The following CTDSPL2 variants were observed in gnomAD, a reference collection of about 807,000 sequenced individuals.
CTDSPL2 encodes the protein CTD small phosphatase-like protein 2.
Under a neutral mutation model 60.0 loss-of-function variants are expected in CTDSPL2, and 5 were observed. The observed-to-expected ratio is 0.08, with a 90% confidence interval of 0.04 to 0.18. CTDSPL2 has a LOEUF of 0.18. Ranked by LOEUF, CTDSPL2 falls within the 10% of genes least tolerant of loss-of-function variation. CTDSPL2 has a pLI of 1.00. For missense variants in CTDSPL2, 370 were observed against 548.8 expected (o/e 0.67, Z 3.26); for synonymous variants, 186 against 189.3 (o/e 0.98, Z 0.14).
chr15:44,452,271 A>T (rs1346854802), intron 1 of CTDSPL2, among the ~76,000 whole-genome samples: 1 of 152,116 alleles, frequency 6.6e-6, no homozygotes, highest in Non-Finnish European at 1.5e-5. Context: ...TGTGTCCCCG[A>T]TAAAAATTCT....
chr15:44,520,810 AC>A (rs1266098355), intron 11 of CTDSPL2: 1 of 152,192 alleles, frequency 6.6e-6, no homozygotes, highest in East Asian at 1.9e-4. Context: ...TCAATGAAAT[AC>A]CATTAATTTG....
At chr15:44,429,577 G>C (rs901565834) in intron 1 of CTDSPL2, among the ~76,000 whole-genome samples, 8 of 152,112 alleles carry the variant, frequency 5.3e-5, no homozygotes, top group African/African-American at 1.2e-4. Context: ...TTGAAAGAAC[G>C]TATAAGCTGG....
intron 8 of CTDSPL2, among the ~76,000 whole-genome samples, chr15:44,505,020 AAAAG>A (rs1270305041): frequency 1.3e-5 from 2 of 152,222 alleles, no homozygotes; most frequent in African/African-American, 4.8e-5. Flanking sequence ...ATTGGCTAAA[AAAAG>A]GAAAAGATAC....
At chr15:44,430,073 GTCTTT>G (rs1156324476) in intron 1 of CTDSPL2, among the ~76,000 whole-genome samples, 3 of 152,186 alleles carry the variant, frequency 2.0e-5, no homozygotes, top group African/African-American at 4.8e-5. Flanking sequence ...AATTGGGGAA[GTCTTT>G]TCTTTTCAGA....
intron 1 of CTDSPL2, among the ~76,000 whole-genome samples, chr15:44,430,969 G>A (rs1348610325): frequency 3.3e-5 from 5 of 151,662 alleles, no homozygotes; most frequent in African/African-American, 7.3e-5. Context: ...CTACAGGCAC[G>A]CGCCACCACA....
chr15:44,521,260 C>T (rs1316103101), intron 11 of CTDSPL2, 51 bp from the exon 12 acceptor site: 5 of 897,312 alleles, frequency 5.6e-6, no homozygotes, highest in African/African-American at 1.7e-5. Context: ...TTTTTCCAAA[C>T]TAGGTAAAAT....
intron 1 of CTDSPL2, among the ~76,000 whole-genome samples, chr15:44,433,851 G>A (rs953291064): frequency 6.6e-6 from 1 of 151,084 alleles, no homozygotes; most frequent in African/African-American, 2.4e-5. Flanking sequence ...TACTTGGGAG[G>A]CTAAGGCAGG....
intron 1 of CTDSPL2, among the ~76,000 whole-genome samples, chr15:44,431,875 G>A (rs543828630): frequency 5.5e-4 from 84 of 151,576 alleles, no homozygotes; most frequent in African/African-American, 1.9e-3. Flanking sequence ...CCACCACGAC[G>A]GCCGGCTAAC....
chr15:44,435,354 T>A (rs2079955437), intron 1 of CTDSPL2, among the ~76,000 whole-genome samples: 2 of 151,508 alleles, frequency 1.3e-5, no homozygotes, highest in Admixed American at 1.3e-4. Context: ...TGGATCACCT[T>A]AGGTCAGGAG....
intron 2 of CTDSPL2, among the ~76,000 whole-genome samples, chr15:44,466,933 C>T (rs544092845): frequency 1.2e-4 from 18 of 151,820 alleles, no homozygotes; most frequent in South Asian, 2.1e-4. Context: ...AGCGCGACTC[C>T]GTCTCAAAAA....
At chr15:44,461,453 A>G (rs181651231) in intron 2 of CTDSPL2, among the ~76,000 whole-genome samples, 1 of 151,792 alleles carries the variant, frequency 6.6e-6, no homozygotes, top group Non-Finnish European at 1.5e-5. Context: ...CAGTGATACT[A>G]TCATAGCTCA....
chr15:44,457,236 C>A (rs1317139779), intron 1 of CTDSPL2, among the ~76,000 whole-genome samples: 2 of 152,184 alleles, frequency 1.3e-5, no homozygotes, highest in Admixed American at 6.5e-5. Context: ...GCATCTGTTT[C>A]CAGCAGAAAG....
intron 1 of CTDSPL2, among the ~76,000 whole-genome samples, chr15:44,449,830 A>C (rs2080297916): frequency 6.6e-6 from 1 of 151,988 alleles, no homozygotes; most frequent in African/African-American, 2.4e-5. Context: ...GTCTCTACTA[A>C]AAATACGAAA....
chr15:44,446,209 C>T (rs1035142023), intron 1 of CTDSPL2, among the ~76,000 whole-genome samples: 1 of 151,912 alleles, frequency 6.6e-6, no homozygotes, highest in Non-Finnish European at 1.5e-5. Flanking sequence ...CAGGTATGAA[C>T]CACCATGCCC....
intron 1 of CTDSPL2, among the ~76,000 whole-genome samples, chr15:44,442,709 C>T (rs1323848170): frequency 3.3e-5 from 5 of 151,928 alleles, no homozygotes; most frequent in African/African-American, 1.2e-4. Flanking sequence ...GGCATGGTAG[C>T]TCACGCCTGT....
At chr15:44,522,873 G>A (rs1000651049) in intron 12 of CTDSPL2, among the ~76,000 whole-genome samples, 1 of 152,172 alleles carries the variant, frequency 6.6e-6, no homozygotes, top group Non-Finnish European at 1.5e-5. Flanking sequence ...TATATCACAT[G>A]GAACACTTAG....
chr15:44,472,296 A>G (rs1057208376), intron 2 of CTDSPL2, among the ~76,000 whole-genome samples: 7 of 152,206 alleles, frequency 4.6e-5, no homozygotes, highest in African/African-American at 1.7e-4. Context: ...ATCATTTTAC[A>G]GTTCCACTAG....
rs753896129 is a variant in CTDSPL2, at chr15:44,506,025, C to CTTTTTTTTTTTTTTTTTTTTTTTTT, written c.969+6234_969+6235insTTTTTTTTTTTTTTTTTTTTTTTTT. ...GATGAAAATTATGCTTCATTGGTAA[C>CTTTTTTTTTTTTTTTTTTTTTTTTT]TTTTTTTTTTTTTTTTTTTTTTGAG... On this transcript the variant is annotated intron_variant, in intron 8 of 12. Transcript: ENST00000260327. Among the ~76,000 whole-genome samples the CTTTTTTTTTTTTTTTTTTTTTTTTT allele has an allele frequency of 3.7e-4, 44 of 117,578 alleles. 1 individual carries two copies. The highest frequency in any genetic ancestry group is 6.0e-4 in the Non-Finnish European group (34 of 56,370). The allele number at this position is 117,578 out of a possible 152,430, so 77.1% of individuals were successfully genotyped here.
At chr15:44,449,145 A>G (rs1384921160) in intron 1 of CTDSPL2, 4 of 310,286 alleles carry the variant, frequency 1.3e-5, no homozygotes, top group East Asian at 1.0e-4. Context: ...TGGGATAGTA[A>G]TCATTTCTGG....
Sources: allele counts gnomAD v4.1 joint callset (sites outside exome capture counted in the v4.1 genomes callset), GRCh38; gene constraint gnomAD v4.1.1; transcripts MANE v1.5; gene names NCBI Gene and HGNC (gene_info 2026-07-23, HGNC 2026-07-21).